Variants in NBPF11 observed in about 807,000 individuals in gnomAD.
NBPF11 encodes the protein NBPF family member NBPF11.
Under a neutral mutation model 93.9 loss-of-function variants are expected in NBPF11, and 72 were observed. The observed-to-expected ratio is 0.77, with a 90% CI of 0.63 to 0.93. NBPF11 has a LOEUF of 0.93. Ranked by LOEUF, NBPF11 falls within the 40% of genes least tolerant of loss-of-function variation. The probability of loss-of-function intolerance (pLI) is 0.00; values close to 1 mark genes in which losing one functional copy is unlikely to be tolerated. For synonymous variants in NBPF11, 224 were observed against 304.9 expected, an observed-to-expected ratio of 0.73 and a Z score of 2.76; for missense variants, 705 against 802.2, an observed-to-expected ratio of 0.88 and a Z score of 1.46.
chr1:148,121,252 C>A (rs1296793202), intron 9 of NBPF11, among the ~76,000 whole-genome samples: 32 of 151,774 alleles, frequency 2.1e-4, no homozygotes, highest in Admixed American at 9.2e-4. Flanking sequence ...CCATCTTGGA[C>A]AGGCTGGTTT....
intron 1 of NBPF11, among the ~76,000 whole-genome samples, chr1:148,144,417 CTGAATA>C (rs1326147267): frequency 4.0e-4 from 60 of 151,150 alleles, no homozygotes; most frequent in Non-Finnish European, 7.5e-4. Flanking sequence ...TTGGAGATTG[CTGAATA>C]TGGTATTAGT....
At chr1:148,146,524 G>A in intron 1 of NBPF11, 2 of 1,603,046 alleles carry the variant, frequency 1.2e-6, no homozygotes, top group Non-Finnish European at 1.7e-6. Context: ...GCCCGAGCTG[G>A]GGCCTGGTGG....
In NBPF11 at chr1:148,113,543, A is replaced by G. The variant is rs1252887891; in HGVS notation, c.1637+894T>C. Among the ~76,000 whole-genome samples the G allele has an allele frequency of 1.6e-3, 186 of 117,670 alleles. 1 individual carries two copies. The highest frequency in any genetic ancestry group is 6.1e-3 in the African/African-American group (180 of 29,452). The allele number at this position is 117,670 out of a possible 152,430, so 77.2% of individuals were successfully genotyped here. On this transcript the variant is annotated intron_variant, in intron 15 of 23. Transcript: ENST00000682118. ...TGGGAGACTTTAACACCCCACTGTCAATATTAGACAGATCAATGAGACAGA... is the reference window on the plus strand; with the variant it reads ...TGGGAGACTTTAACACCCCACTGTCGATATTAGACAGATCAATGAGACAGA...
rs1468253222 is a variant in NBPF11 at position 148,124,880 on chromosome 1, C to A, written c.278+19G>T. On this transcript the variant is annotated intron_variant, in intron 6 of 23. Coordinates refer to ENST00000682118, the MANE Select transcript of NBPF11 (RefSeq NM_001385469.3). Reference sequence around the variant, plus strand: ...TCTACACACCTACCTGCCTGTCTCCCCCTACGGGGTCCCCTCACCTGAGCT... The same window carrying A: ...TCTACACACCTACCTGCCTGTCTCCACCTACGGGGTCCCCTCACCTGAGCT... 1.0e-5 allele frequency: 16 copies of A among 1,607,492 alleles called. No homozygotes were observed. Among genetic ancestry groups the A allele is most frequent in the Non-Finnish European group, 1.3e-5 (15 of 1,179,924 alleles).
chr1:148,129,021 A>G (rs1341485131), intron 4 of NBPF11, among the ~76,000 whole-genome samples: 4 of 148,454 alleles, frequency 2.7e-5, no homozygotes, highest in African/African-American at 1.0e-4. Flanking sequence ...TGGGGGAGGG[A>G]TAGCATTAGG....
intron 2 of NBPF11, among the ~76,000 whole-genome samples, chr1:148,140,896 A>G (rs1236945443): frequency 2.0e-5 from 3 of 151,896 alleles, no homozygotes; most frequent in Non-Finnish European, 2.9e-5. Flanking sequence ...AAAACTTGGA[A>G]GTACCCAAGA....
chr1:148,114,796 G>A (rs1322679361), intron 14 of NBPF11, among the ~76,000 whole-genome samples: 14 of 148,586 alleles, frequency 9.4e-5, no homozygotes, highest in African/African-American at 2.8e-4. Context: ...TTTTCTAAGA[G>A]TGTTGCTGCA....
At chr1:148,146,647 A>G in intron 1 of NBPF11, 5 of 1,611,576 alleles carry the variant, frequency 3.1e-6, no homozygotes, top group Non-Finnish European at 4.2e-6. Flanking sequence ...CGAGCTGGAC[A>G]CCATCGAGGT....
chr1:148,114,343 G>A (rs1205442734), intron 15 of NBPF11, 94 bp downstream of exon 15: 1 of 601,808 alleles, frequency 1.7e-6, no homozygotes, highest in Non-Finnish European at 2.9e-6. Flanking sequence ...GTGAATGGAA[G>A]AAATAGTTCT....
At chr1:148,106,289 C>T (rs1471064393) in intron 20 of NBPF11, 57 bp from the exon 21 acceptor site, 2 of 622,498 alleles carry the variant, frequency 3.2e-6, no homozygotes, top group Non-Finnish European at 5.7e-6. Flanking sequence ...ACACCCATAA[C>T]AGTCCACTGT....
intron 1 of NBPF11, chr1:148,146,687 G>T (rs1673162275): frequency 1.2e-6 from 2 of 1,611,856 alleles, no homozygotes; most frequent in South Asian, 2.2e-5. Context: ...CGCGGCAACC[G>T]TGTCTCCTGC....
At chr1:148,133,227 G>C (rs1670708541) in intron 4 of NBPF11, among the ~76,000 whole-genome samples, 1 of 151,596 alleles carries the variant, frequency 6.6e-6, no homozygotes, top group South Asian at 2.1e-4. Flanking sequence ...GTAGATTTTT[G>C]TAGATTTCTA....
intron 15 of NBPF11, among the ~76,000 whole-genome samples, chr1:148,113,333 A>C (rs1225495829): frequency 1.3e-5 from 2 of 151,952 alleles, no homozygotes; most frequent in Non-Finnish European, 2.9e-5. Flanking sequence ...GTCTCTGATA[A>C]AACAGACTTT....
intron 4 of NBPF11, among the ~76,000 whole-genome samples, chr1:148,131,549 C>A (rs1371600476): frequency 7.0e-6 from 1 of 142,026 alleles, no homozygotes; most frequent in African/African-American, 2.6e-5. Context: ...TGCACACTTC[C>A]ACATACACAT....
At chr1:148,149,639 G>A in intron 1 of NBPF11, 1 of 1,369,912 alleles carries the variant, frequency 7.3e-7, no homozygotes, top group Non-Finnish European at 9.9e-7. Context: ...CCCCCACCCA[G>A]GGGCTGCATG....
chr1:148,148,257 C>A (rs1467065236), intron 1 of NBPF11, among the ~76,000 whole-genome samples: 2 of 152,242 alleles, frequency 1.3e-5, no homozygotes, highest in Non-Finnish European at 2.9e-5. Flanking sequence ...CTGGTGGAGT[C>A]CGAATGCCAG....
chr1:148,117,073 G>A (rs1167787129), intron 12 of NBPF11, among the ~76,000 whole-genome samples: 20 of 151,790 alleles, frequency 1.3e-4, no homozygotes, highest in Non-Finnish European at 1.8e-4. Context: ...AACACCACAC[G>A]GAGAGGGGCT....
At chr1:148,132,962 T>C (rs1432057149) in intron 4 of NBPF11, among the ~76,000 whole-genome samples, 3 of 147,678 alleles carry the variant, frequency 2.0e-5, no homozygotes, top group African/African-American at 7.6e-5. Context: ...GTGTTAGGCA[T>C]GATGGTCTCC....
intron 1 of NBPF11, among the ~76,000 whole-genome samples, chr1:148,151,017 A>G (rs1648176655): frequency 6.6e-6 from 1 of 151,860 alleles, no homozygotes; most frequent in South Asian, 2.1e-4. Flanking sequence ...CAGCTCCACC[A>G]GCAAAAGGTA....
Sources: allele counts gnomAD v4.1 joint callset (sites outside exome capture counted in the v4.1 genomes callset), GRCh38; gene constraint gnomAD v4.1.1; transcripts MANE v1.5; gene names NCBI Gene and HGNC (gene_info 2026-07-23, HGNC 2026-07-21).